SRPK2: variants seen among roughly 807,000 people sequenced by gnomAD.
SRPK2 encodes SFRS protein kinase 2.
SRPK2 carries 21 observed loss-of-function variants against 90.8 expected under a neutral mutation model. The ratio of observed to expected loss-of-function variants is 0.23; its 90% confidence interval spans 0.16 to 0.33. The LOEUF is 0.33. Ranked by LOEUF, SRPK2 falls within the 10% of genes least tolerant of loss-of-function variation. The probability of loss-of-function intolerance (pLI) is 1.00; values close to 1 mark genes in which losing one functional copy is unlikely to be tolerated. For synonymous variants in SRPK2, 288 were observed against 311.1 expected (o/e 0.93, Z 0.78); for missense variants, 620 against 869.0 (o/e 0.71, Z 3.60).
At chr7:105,288,741 T>C (rs1808524596) in intron 2 of SRPK2, among the ~76,000 whole-genome samples, 1 of 151,960 alleles carries the variant, frequency 6.6e-6, no homozygotes, top group South Asian at 2.1e-4. Context: ...GATAAAAATA[T>C]AGGATAAAAA....
chr7:105,280,937 G>A (rs1024712084), intron 2 of SRPK2, among the ~76,000 whole-genome samples: 1 of 84,886 alleles, frequency 1.2e-5, no homozygotes, highest in African/African-American at 5.2e-5. Flanking sequence ...ACAGAGCGAA[G>A]ACTCCATCTC....
chr7:105,256,842 T>C (rs913033812), intron 2 of SRPK2, among the ~76,000 whole-genome samples: 1 of 152,334 alleles, frequency 6.6e-6, no homozygotes, highest in South Asian at 2.1e-4. Flanking sequence ...CACCTGGCTG[T>C]AGCCACTCAT....
chr7:105,167,291 C>A (rs540133299), intron 6 of SRPK2, 86 bp downstream of exon 6: 1 of 1,056,896 alleles, frequency 9.5e-7, no homozygotes, highest in Admixed American at 1.9e-5. Flanking sequence ...GAAGGTGATA[C>A]AGCAGTAAAC....
Position 105,126,121 on chromosome 7 carries a change from T to C in SRPK2, c.1915+127A>G, listed in dbSNP as rs1216702506. On this transcript the variant is annotated intron_variant, in intron 15 of 15. Transcript: ENST00000393651. The stretch of plus-strand genomic sequence containing the variant: ...TTCCCTGACAATTTTTCTATCAGCA[T>C]AGGAATTCTGCTGGGTTGCGTTTCG... 1.2e-5 allele frequency: 10 copies of C among 823,182 alleles called. No individual in the cohort carries two copies. In the Middle Eastern group the frequency reaches 7.0e-4, roughly 57 times the overall value. 51.0% of individuals were successfully genotyped at this position (823,182 alleles called of 1,614,324 possible). A position where few individuals can be genotyped will look rare whatever the true frequency, so the allele number is the denominator to read the frequency against.
chr7:105,254,061 T>C (rs1802875121), intron 2 of SRPK2, among the ~76,000 whole-genome samples: 1 of 152,242 alleles, frequency 6.6e-6, no homozygotes, highest in South Asian at 2.1e-4. Context: ...ACTATGTCAC[T>C]TAACTGCTAA....
chr7:105,322,451 C>T (rs1044621796), intron 2 of SRPK2, among the ~76,000 whole-genome samples: 3 of 151,884 alleles, frequency 2.0e-5, no homozygotes, highest in Non-Finnish European at 4.4e-5. Context: ...ACCTCAGAAA[C>T]GTCATGCAAA....
Position 105,142,475 on chromosome 7 carries a change from T to C in SRPK2, c.1076A>G (p.Gln359Arg), listed in dbSNP as rs1366668983. 3.1e-6 allele frequency: 5 copies of C among 1,610,208 alleles called. No homozygotes were observed. Among genetic ancestry groups the C allele is most frequent in the African/African-American group, 2.7e-5 (2 of 74,678 alleles). ...TTTCTCAGCATCTTCTTTCTCTTCCTGGTCCTCAGCTTCACCTTAAGAATT... is the reference window on the plus strand; with the variant it reads ...TTTCTCAGCATCTTCTTTCTCTTCCCGGTCCTCAGCTTCACCTTAAGAATT... ...TAKDNGEAED[Q>R]EEKEDAEKEN... Residue 359 changes from glutamine (Q) to arginine (R), a missense_variant, in exon 11 of 16, where the codon CAG (glutamine) becomes CGG (arginine). Transcript: ENST00000393651.
At chr7:105,199,018 C>T (rs1218881460) in intron 3 of SRPK2, among the ~76,000 whole-genome samples, 1 of 152,156 alleles carries the variant, frequency 6.6e-6, no homozygotes, top group Non-Finnish European at 1.5e-5. Flanking sequence ...AGTAAGTACA[C>T]AAGAGCAATG....
intron 2 of SRPK2, among the ~76,000 whole-genome samples, chr7:105,283,054 A>C (rs1178018379): frequency 6.6e-6 from 1 of 152,228 alleles, no homozygotes; most frequent in African/African-American, 2.4e-5. Flanking sequence ...GCTCCACATC[A>C]TTTGTCATCA....
intron 2 of SRPK2, chr7:105,302,223 T>C: frequency 2.8e-6 from 2 of 726,294 alleles, no homozygotes; most frequent in Non-Finnish European, 4.9e-6. Flanking sequence ...AAAAAGGTTG[T>C]AAGTTGAAAG....
At chr7:105,305,122 A>G (rs1810998277) in intron 2 of SRPK2, among the ~76,000 whole-genome samples, 1 of 152,224 alleles carries the variant, frequency 6.6e-6, no homozygotes, top group Admixed American at 6.5e-5. Flanking sequence ...TCTTGGAGAC[A>G]ACAGAGGATG....
intron 2 of SRPK2, among the ~76,000 whole-genome samples, chr7:105,385,349 T>G (rs1468183488): frequency 6.7e-6 from 1 of 150,122 alleles, no homozygotes; most frequent in African/African-American, 2.5e-5. Context: ...CCGGGCTAAT[T>G]TTGTTTTTGT....
chr7:105,318,525 A>T (rs1459076607), intron 2 of SRPK2, among the ~76,000 whole-genome samples: 1 of 152,240 alleles, frequency 6.6e-6, no homozygotes, highest in Admixed American at 6.5e-5. Context: ...AATTTTTTAG[A>T]GTCTGTCCTA....
chr7:105,254,193 C>T (rs1802896338), intron 2 of SRPK2, among the ~76,000 whole-genome samples: 1 of 152,162 alleles, frequency 6.6e-6, no homozygotes, highest in African/African-American at 2.4e-5. Flanking sequence ...CCAATTAACA[C>T]AGAAAGTACC....
At chr7:105,241,306 T>C (rs1196682346) in intron 2 of SRPK2, among the ~76,000 whole-genome samples, 1 of 152,118 alleles carries the variant, frequency 6.6e-6, no homozygotes, top group Admixed American at 6.5e-5. Flanking sequence ...AAGCTCAAAA[T>C]GTGTATGCAT....
chr7:105,310,038 G>A (rs946774512), intron 2 of SRPK2, among the ~76,000 whole-genome samples: 3 of 152,172 alleles, frequency 2.0e-5, no homozygotes, highest in African/African-American at 7.2e-5. Flanking sequence ...TCCTCCCTCT[G>A]GGGGTGAGAT....
intron 3 of SRPK2, among the ~76,000 whole-genome samples, chr7:105,180,161 C>G (rs758589116): frequency 6.6e-6 from 1 of 152,118 alleles, no homozygotes; most frequent in Non-Finnish European, 1.5e-5. Flanking sequence ...AATCACGTTA[C>G]CTGATGTCAA....
chr7:105,248,096 G>T (rs1423438363), intron 2 of SRPK2, among the ~76,000 whole-genome samples: 3 of 152,066 alleles, frequency 2.0e-5, no homozygotes, highest in African/African-American at 7.2e-5. Flanking sequence ...CAGGTGATCT[G>T]CCCGCCTCGG....
At chr7:105,191,351 C>T (rs193050991) in intron 3 of SRPK2, among the ~76,000 whole-genome samples, 266 of 152,166 alleles carry the variant, frequency 1.7e-3, no homozygotes, top group Non-Finnish European at 2.4e-3. Flanking sequence ...GGAGGAGATT[C>T]CTTGAGCTCA....
Sources: allele counts gnomAD v4.1 joint callset (sites outside exome capture counted in the v4.1 genomes callset), GRCh38; gene constraint gnomAD v4.1.1; transcripts MANE v1.5; gene names NCBI Gene and HGNC (gene_info 2026-07-23, HGNC 2026-07-21).